IQCK: variants seen among roughly 807,000 people sequenced by gnomAD.
IQCK encodes the protein IQ motif containing K.
A neutral mutation model predicts 28.1 loss-of-function variants in IQCK; 29 were observed. The ratio of observed to expected loss-of-function variants is 1.03; its 90% CI spans 0.77 to 1.41. IQCK has a LOEUF of 1.41. Among genes scored for constraint, IQCK ranks in the 40% most tolerant of loss-of-function variants. The pLI is 0.00. For missense variants in IQCK, 359 were observed against 314.7 expected (o/e 1.14, Z -1.07); for synonymous variants, 113 against 115.1 (o/e 0.98, Z 0.12).
intron 7 of IQCK, among the ~76,000 whole-genome samples, chr16:19,820,782 C>T (rs1033937125): frequency 6.6e-6 from 1 of 151,862 alleles, no homozygotes; most frequent in Non-Finnish European, 1.5e-5. Context: ...ATTTGAGAAG[C>T]GTATAGTGTC....
intron 4 of IQCK, among the ~76,000 whole-genome samples, chr16:19,740,309 T>A (rs141266060): frequency 6.6e-6 from 1 of 152,202 alleles, no homozygotes; most frequent in South Asian, 2.1e-4. Context: ...ACTGCTATGA[T>A]CATCATCAGA....
intron 2 of IQCK, among the ~76,000 whole-genome samples, chr16:19,733,469 G>T (rs1311784529): frequency 6.6e-6 from 1 of 152,026 alleles, no homozygotes; most frequent in East Asian, 1.9e-4. Context: ...TTTTGGATAT[G>T]TTTACAAACG....
At chr16:19,760,944 C>T (rs2055129874) in intron 4 of IQCK, among the ~76,000 whole-genome samples, 1 of 152,164 alleles carries the variant, frequency 6.6e-6, no homozygotes, top group Admixed American at 6.5e-5. Flanking sequence ...TCTGATGTTG[C>T]CATGGCATTT....
chr16:19,737,135 C>T (rs2054767690), intron 4 of IQCK, among the ~76,000 whole-genome samples: 1 of 151,836 alleles, frequency 6.6e-6, no homozygotes, highest in Non-Finnish European at 1.5e-5. Flanking sequence ...GCACCCCAGC[C>T]TGGAAACAGA....
chr16:19,825,153 A>G lies in IQCK; in HGVS notation c.691-1873A>G, dbSNP rs1376113980. ...CATATCCAGTACGACTTGGCAAGCCACTAAAACTCAGTTATCTCATCTGTA... is the reference window on the plus strand; with the variant it reads ...CATATCCAGTACGACTTGGCAAGCCGCTAAAACTCAGTTATCTCATCTGTA... On this transcript the variant is annotated intron_variant, in intron 7 of 7. Coordinates refer to ENST00000564186, the Ensembl canonical transcript of IQCK. The surrounding 1 kb of genome is among the most constrained non-coding windows in gnomAD (Gnocchi z 4.2). Among the ~76,000 whole-genome samples, 2 of 152,180 alleles carry G rather than the reference A, an allele frequency of 1.3e-5. No individual in the cohort carries two copies. The highest frequency in any genetic ancestry group is 2.4e-5 in the African/African-American group (1 of 41,446).
At chr16:19,839,839 A>T (rs978003757) in intron 9 of IQCK, among the ~76,000 whole-genome samples, 5 of 151,960 alleles carry the variant, frequency 3.3e-5, no homozygotes, top group Non-Finnish European at 5.9e-5. Context: ...AAAAAAATAA[A>T]AAATAAATAA....
At chr16:19,820,649 A>C (rs1446416882) in intron 7 of IQCK, among the ~76,000 whole-genome samples, 1 of 56,950 alleles carries the variant, frequency 1.8e-5, no homozygotes, top group Non-Finnish European at 3.1e-5. Context: ...ACTCTGTATC[A>C]AAAAAAAAAA....
In IQCK at chr16:19,718,288, T is replaced by TACCGTGGAAACCGCGGCC. The variant is rs747204365; in HGVS notation, c.-17_1dup. On this transcript the variant is annotated 5_prime_UTR_variant, in exon 1 of 8. Coordinates refer to ENST00000564186, the Ensembl canonical transcript of IQCK. ...GTCGCGGCCTTCCGGCGAACGCGGT[T>TACCGTGGAAACCGCGGCC]ACCGTGGAAACCGCGGCCATGGCGG... The TACCGTGGAAACCGCGGCC allele has an allele frequency of 1.9e-6, 3 of 1,594,002 alleles. No homozygotes were observed. In the African/African-American group the frequency reaches 4.0e-5, roughly 21 times the overall value.
At chr16:19,779,842 C>T (rs1226717593) in intron 6 of IQCK, among the ~76,000 whole-genome samples, 2 of 150,782 alleles carry the variant, frequency 1.3e-5, no homozygotes, top group Non-Finnish European at 3.0e-5. Flanking sequence ...CTCAGCCTCC[C>T]GAGTAGCTGG....
chr16:19,724,271 C>T (rs1479518961), intron 1 of IQCK, among the ~76,000 whole-genome samples: 8 of 152,120 alleles, frequency 5.3e-5, no homozygotes, highest in African/African-American at 1.9e-4. Flanking sequence ...CCCTTCTTTC[C>T]TCTCCTCTAG....
chr16:19,735,893 C>A (rs1977998539), intron 4 of IQCK: 1 of 344,504 alleles, frequency 2.9e-6, no homozygotes, highest in Admixed American at 4.0e-5. Context: ...AGACCCCCAT[C>A]TCTAAAAAAA....
chr16:19,776,187 C>T (rs1199512815), intron 6 of IQCK, among the ~76,000 whole-genome samples: 1 of 152,078 alleles, frequency 6.6e-6, no homozygotes, highest in African/African-American at 2.4e-5. Context: ...GGCCCACAGG[C>T]ATATTTCTAA....
chr16:19,736,975 C>T (rs989860313), intron 4 of IQCK, among the ~76,000 whole-genome samples: 6 of 140,214 alleles, frequency 4.3e-5, no homozygotes, highest in South Asian at 2.2e-4. Flanking sequence ...AAGTGAGACC[C>T]GGTATTTACA....
intron 4 of IQCK, among the ~76,000 whole-genome samples, chr16:19,746,402 T>C (rs2054914019): frequency 6.6e-6 from 1 of 152,160 alleles, no homozygotes; most frequent in Non-Finnish European, 1.5e-5. Flanking sequence ...GTAGTTACCC[T>C]GTTTTGCTAT....
intron 7 of IQCK, chr16:19,819,589 CT>C: frequency 6.1e-6 from 1 of 164,600 alleles, no homozygotes. Flanking sequence ...CCCAAATGCT[CT>C]TTCAATCCAG....
intron 7 of IQCK, among the ~76,000 whole-genome samples, chr16:19,824,217 G>T (rs760566747): frequency 2.6e-5 from 4 of 152,282 alleles, no homozygotes; most frequent in East Asian, 3.9e-4. Context: ...GGTCCCATCT[G>T]GGGGGTGATG....
chr16:19,850,622 G>A (rs771959191), intron 9 of IQCK, among the ~76,000 whole-genome samples: 2 of 152,128 alleles, frequency 1.3e-5, no homozygotes, highest in Non-Finnish European at 2.9e-5. Context: ...TCTCCCCGCA[G>A]TATGTGAGCA....
chr16:19,856,358 T>C, intron 9 of IQCK, 129 bp from the exon 9 acceptor site: 2 of 694,720 alleles, frequency 2.9e-6, no homozygotes, highest in East Asian at 5.4e-5. Flanking sequence ...GCCGGAACCA[T>C]GAATAGCAGG....
chr16:19,783,062 G>A (rs948927343), intron 6 of IQCK, among the ~76,000 whole-genome samples: 16 of 151,486 alleles, frequency 1.1e-4, no homozygotes, highest in African/African-American at 3.9e-4. Context: ...ACAGTGGTGC[G>A]ATCTTGGCTC....
Sources: allele counts gnomAD v4.1 joint callset (sites outside exome capture counted in the v4.1 genomes callset), GRCh38; gene constraint gnomAD v4.1.1; non-coding constraint Gnocchi (gnomAD v3.1); transcripts MANE v1.5; gene names NCBI Gene and HGNC (gene_info 2026-07-23, HGNC 2026-07-21).